Variants in DLC1 observed in about 807,000 individuals in gnomAD.
DLC1 encodes the protein DLC1 Rho GTPase activating protein.
A neutral mutation model predicts 140.3 loss-of-function variants in DLC1; 54 were observed. The observed-to-expected ratio is 0.38, with a 90% CI of 0.31 to 0.48. DLC1 has a LOEUF of 0.48. Ranked by LOEUF, DLC1 falls within the 20% of genes least tolerant of loss-of-function variation. The probability of loss-of-function intolerance (pLI) is 0.96; values close to 1 mark genes in which losing one functional copy is unlikely to be tolerated. For missense variants in DLC1, 2,536 were observed against 1,907.0 expected, an observed-to-expected ratio of 1.33 and a Z score of -6.14; for synonymous variants, 986 against 728.1, an observed-to-expected ratio of 1.35 and a Z score of -5.70.
At chr8:13,086,083 T>C in intron 17 of DLC1, 152 bp from the exon 18 acceptor site, 1 of 1,386,540 alleles carries the variant, frequency 7.2e-7, no homozygotes, top group Non-Finnish European at 9.5e-7. Context: ...TTTGCTTTGC[T>C]TTAGAACCAC....
At chr8:13,371,500 A>G (rs1835727258) in intron 4 of DLC1, among the ~76,000 whole-genome samples, 1 of 151,750 alleles carries the variant, frequency 6.6e-6, no homozygotes, top group South Asian at 2.1e-4. Flanking sequence ...ATGTAAGTCC[A>G]TGTACCTTTG....
intron 1 of DLC1, among the ~76,000 whole-genome samples, chr8:13,575,205 G>GT (rs1407199944): frequency 2.0e-5 from 3 of 152,142 alleles, no homozygotes; most frequent in Admixed American, 6.5e-5. Flanking sequence ...TGAGCCCACT[G>GT]TTTGTCGAGG....
rs145808487 is a variant in DLC1 at position 13,375,417 on chromosome 8, T to C, written c.1314+18136A>G. 9.4e-3 allele frequency among the ~76,000 whole-genome samples: 1,425 copies of C among 152,246 alleles called. 20 individuals are homozygous for C. Among genetic ancestry groups the C allele is most frequent in the Middle Eastern group, 0.058 (17 of 294 alleles). ...CTTAAGGAGATTTTGGGTTGAGACG[T>C]TGGAGTTTTCTAGATATACAATCAT... On this transcript the variant is annotated intron_variant, in intron 4 of 17. Coordinates refer to ENST00000276297, the MANE Select transcript of DLC1 (RefSeq NM_182643.3).
chr8:13,217,309 T>C (rs780907954), intron 5 of DLC1, among the ~76,000 whole-genome samples: 1 of 152,198 alleles, frequency 6.6e-6, no homozygotes, highest in Non-Finnish European at 1.5e-5. Context: ...TAATCTAATG[T>C]ATAAAATATC....
intron 1 of DLC1, among the ~76,000 whole-genome samples, chr8:13,534,475 C>G (rs563340737): frequency 1.1e-3 from 168 of 152,278 alleles, no homozygotes; most frequent in Non-Finnish European, 2.0e-3. Context: ...ACATACTGTT[C>G]TGGAAGTCCC....
At chr8:13,591,322 G>A (rs1412984068) in intron 1 of DLC1, among the ~76,000 whole-genome samples, 1 of 152,112 alleles carries the variant, frequency 6.6e-6, no homozygotes, top group Non-Finnish European at 1.5e-5. Flanking sequence ...GACGCAGTGG[G>A]AGGTAATTAA....
In DLC1 at chr8:13,396,549, A is replaced by G. The variant is rs545598604; in HGVS notation, c.1174-2856T>C. Among the ~76,000 whole-genome samples, 13 of 152,292 alleles carry G rather than the reference A, an allele frequency of 8.5e-5. No individual in the cohort carries two copies. The East Asian group carries it at 1.7e-3, about 20-fold the overall frequency. On this transcript the variant is annotated intron_variant, in intron 3 of 17. Coordinates refer to ENST00000276297, the MANE Select transcript of DLC1 (RefSeq NM_182643.3). ...TGTTCATCACCTCTACGTGGAAGTT[A>G]CCATCATCACACGAGAGATGGTGGG...
intron 2 of DLC1, among the ~76,000 whole-genome samples, chr8:13,442,563 T>G (rs1196121291): frequency 1.3e-5 from 2 of 152,168 alleles, no homozygotes; most frequent in Non-Finnish European, 2.9e-5. Context: ...CAGACACTTC[T>G]CAAAAGAAGA....
intron 1 of DLC1, among the ~76,000 whole-genome samples, chr8:13,603,549 A>G (rs1453362577): frequency 6.6e-6 from 1 of 151,984 alleles, no homozygotes; most frequent in Non-Finnish European, 1.5e-5. Flanking sequence ...AATATAACAA[A>G]AAAGGTGCAT....
intron 2 of DLC1, among the ~76,000 whole-genome samples, chr8:13,434,969 C>CA (rs369310557): frequency 6.6e-6 from 1 of 151,942 alleles, no homozygotes; most frequent in African/African-American, 2.4e-5. Flanking sequence ...CGTGACCCCC[C>CA]CCGGCTCACC....
chr8:13,572,099 T>TA (rs1216414945), intron 1 of DLC1, among the ~76,000 whole-genome samples: 4 of 136,800 alleles, frequency 2.9e-5, no homozygotes, highest in South Asian at 2.2e-4. Context: ...TTATTTATTT[T>TA]TTTTTTTTGA....
At chr8:13,479,993 G>A (rs575541787) in intron 2 of DLC1, among the ~76,000 whole-genome samples, 2 of 151,120 alleles carry the variant, frequency 1.3e-5, no homozygotes, top group African/African-American at 2.4e-5. Context: ...TTGGGCCCAG[G>A]AGGTGGGGGC....
intron 5 of DLC1, among the ~76,000 whole-genome samples, chr8:13,171,532 A>C (rs548255936): frequency 1.3e-5 from 2 of 152,256 alleles, no homozygotes; most frequent in African/African-American, 4.8e-5. Flanking sequence ...CTGGGACTAC[A>C]GGTGCGTGCC....
At chr8:13,228,753 A>G (rs918725922) in intron 5 of DLC1, among the ~76,000 whole-genome samples, 1 of 152,164 alleles carries the variant, frequency 6.6e-6, no homozygotes, top group African/African-American at 2.4e-5. Flanking sequence ...CTGTCTCTTT[A>G]AAAACAATGG....
At chr8:13,390,669 C>T (rs1167592273) in intron 4 of DLC1, among the ~76,000 whole-genome samples, 1 of 152,156 alleles carries the variant, frequency 6.6e-6, no homozygotes, top group South Asian at 2.1e-4. Flanking sequence ...CAAACCTGCA[C>T]GTTCTGCACA....
intron 5 of DLC1, among the ~76,000 whole-genome samples, chr8:13,252,554 T>C (rs1830055393): frequency 6.6e-6 from 1 of 152,220 alleles, no homozygotes; most frequent in African/African-American, 2.4e-5. Flanking sequence ...TATTCTACCT[T>C]GCTCAGAGCA....
At chr8:13,166,249 G>T (rs1295346573) in intron 5 of DLC1, among the ~76,000 whole-genome samples, 1 of 152,188 alleles carries the variant, frequency 6.6e-6, no homozygotes, top group Non-Finnish European at 1.5e-5. Context: ...CGTTGCTCCT[G>T]CCATTACCCT....
chr8:13,235,931 A>G (rs1829255861), intron 5 of DLC1, among the ~76,000 whole-genome samples: 1 of 152,028 alleles, frequency 6.6e-6, no homozygotes. Flanking sequence ...TACTTATTAT[A>G]TAAAACACTA....
rs1805747695 is a variant in DLC1, at chr8:13,598,267, G to A, written c.-126+6270C>T. Among the ~76,000 whole-genome samples, 4 of 152,032 alleles carry A rather than the reference G, an allele frequency of 2.6e-5. No homozygotes were observed. In the South Asian group the frequency reaches 8.3e-4, roughly 31 times the overall value. ...TAATTTTTGTAAATATGTAAGAGTA[G>A]CATCTAGTGCTTGCTGCTAGCCAGA... On this transcript the variant is annotated intron_variant, in intron 1 of 1. Transcript: ENST00000631382.
Sources: allele counts gnomAD v4.1 joint callset (sites outside exome capture counted in the v4.1 genomes callset), GRCh38; gene constraint gnomAD v4.1.1; transcripts MANE v1.5; gene names NCBI Gene and HGNC (gene_info 2026-07-23, HGNC 2026-07-21).